EXOC4: variants seen among roughly 807,000 people sequenced by gnomAD.
EXOC4 encodes the protein exocyst complex component 4.
In EXOC4, 71 loss-of-function variants were observed where a neutral mutation model predicts 107.2. The ratio of observed to expected loss-of-function variants is 0.66; its 90% CI spans 0.55 to 0.81. The LOEUF is 0.81. Among genes scored for constraint, EXOC4 ranks in the 30% least tolerant of loss-of-function variants. EXOC4 has a pLI of 0.00. For missense variants in EXOC4, 1,108 were observed against 1,189.6 expected, an observed-to-expected ratio of 0.93 and a Z score of 1.01; for synonymous variants, 456 against 441.2, an observed-to-expected ratio of 1.03 and a Z score of -0.42.
chr7:133,713,488 A>G (rs1042382019), intron 10 of EXOC4, among the ~76,000 whole-genome samples: 16 of 152,228 alleles, frequency 1.1e-4, no homozygotes, highest in African/African-American at 2.9e-4. Context: ...AGTAAGATAG[A>G]TATCATCTAG....
chr7:133,926,222 A>G (rs1266742604), intron 13 of EXOC4, among the ~76,000 whole-genome samples: 2 of 152,176 alleles, frequency 1.3e-5, no homozygotes, highest in Non-Finnish European at 2.9e-5. Context: ...GACTTCCCCA[A>G]GTTCACACAG....
At chr7:133,805,505 T>C (rs1305242486) in intron 10 of EXOC4, among the ~76,000 whole-genome samples, 1 of 152,190 alleles carries the variant, frequency 6.6e-6, no homozygotes, top group Non-Finnish European at 1.5e-5. Context: ...CTTTTCAAGA[T>C]ATTTTAAAAC....
At chr7:133,857,219 T>C (rs1798412146) in intron 11 of EXOC4, among the ~76,000 whole-genome samples, 1 of 46,244 alleles carries the variant, frequency 2.2e-5, no homozygotes, top group Non-Finnish European at 3.8e-5. Context: ...CTACTTAACC[T>C]CCCTGGATGA....
intron 9 of EXOC4, among the ~76,000 whole-genome samples, chr7:133,525,162 G>A (rs987528215): frequency 1.3e-5 from 2 of 152,114 alleles, no homozygotes; most frequent in African/African-American, 2.4e-5. Flanking sequence ...GATGGAGGAC[G>A]CAGGATTTTG....
rs549849204 is a variant in EXOC4 at position 133,856,362 on chromosome 7, A to G, written c.1734+38818A>G. On this transcript the variant is annotated intron_variant, in intron 11 of 17. Coordinates refer to ENST00000253861, the MANE Select transcript of EXOC4 (RefSeq NM_021807.4). ...TTAGTGAGTTGTGAGAGAGCATCCA[A>G]ATGCCTAAGCACCTGGAGCACACTG... Among the ~76,000 whole-genome samples the G allele has an allele frequency of 3.9e-5, 6 of 152,330 alleles. No homozygotes were observed. In the South Asian group the frequency reaches 1.2e-3, roughly 32 times the overall value.
chr7:133,624,889 A>C (rs774728134), intron 9 of EXOC4, among the ~76,000 whole-genome samples: 1 of 133,962 alleles, frequency 7.5e-6, no homozygotes, highest in Non-Finnish European at 1.6e-5. Flanking sequence ...CACCGCGCCC[A>C]GCCTGACCTC....
At chr7:133,451,448 G>A (rs868449985) in intron 7 of EXOC4, among the ~76,000 whole-genome samples, 32 of 151,996 alleles carry the variant, frequency 2.1e-4, no homozygotes, top group Middle Eastern at 3.4e-3. Flanking sequence ...GCTTTGGTTA[G>A]CAGATTAACA....
chr7:134,073,551 G>A, the EXOC4 span, among the ~76,000 whole-genome samples: 2 of 152,094 alleles, frequency 1.3e-5, no homozygotes, highest in African/African-American at 2.4e-5. Flanking sequence ...CCTTCTGCCT[G>A]AGGTTTGAGT....
chr7:133,696,193 G>A (rs1275846008), intron 10 of EXOC4, among the ~76,000 whole-genome samples: 3 of 152,192 alleles, frequency 2.0e-5, no homozygotes, highest in South Asian at 2.1e-4. Flanking sequence ...CAGAGATGCT[G>A]TTAAAGTGTC....
intron 17 of EXOC4, among the ~76,000 whole-genome samples, chr7:134,040,530 C>T (rs922468304): frequency 7.9e-5 from 12 of 152,070 alleles, no homozygotes; most frequent in African/African-American, 1.9e-4. Flanking sequence ...GAAGTCATTG[C>T]CATGTTACTT....
intron 17 of EXOC4, among the ~76,000 whole-genome samples, chr7:134,026,438 C>T (rs1012266731): frequency 2.6e-5 from 4 of 151,224 alleles, no homozygotes; most frequent in East Asian, 1.9e-4. Context: ...CCACCTGCAC[C>T]TGTGGTGAAA....
chr7:133,659,000 CTTTTTTTTTTTTT>C (rs397890140), intron 10 of EXOC4, among the ~76,000 whole-genome samples: 6 of 40,108 alleles, frequency 1.5e-4, no homozygotes, highest in Admixed American at 1.5e-3. Flanking sequence ...TTCAGAGAAG[CTTTTTTTTTTTTT>C]TTTTTTTTTT....
chr7:133,498,030 A>G (rs1421328339), intron 9 of EXOC4, among the ~76,000 whole-genome samples: 1 of 152,196 alleles, frequency 6.6e-6, no homozygotes, highest in Non-Finnish European at 1.5e-5. Flanking sequence ...TGAGGAAAGC[A>G]GCACAGATTA....
chr7:133,491,301 A>C (rs1441740134), intron 9 of EXOC4, among the ~76,000 whole-genome samples: 3 of 152,232 alleles, frequency 2.0e-5, no homozygotes, highest in Non-Finnish European at 4.4e-5. Flanking sequence ...TTGCATATTC[A>C]TGCCCACTTA....
At chr7:133,522,492 T>C (rs1799998659) in intron 9 of EXOC4, among the ~76,000 whole-genome samples, 1 of 152,138 alleles carries the variant, frequency 6.6e-6, no homozygotes, top group Non-Finnish European at 1.5e-5. Flanking sequence ...CTCTTCCTCT[T>C]CTGAATAACA....
intron 10 of EXOC4, among the ~76,000 whole-genome samples, chr7:133,691,114 G>C (rs1380360754): frequency 6.6e-6 from 1 of 152,180 alleles, no homozygotes. Context: ...TTTTAGGGTA[G>C]TATATCCTCA....
chr7:133,580,943 G>A (rs1206841391), intron 9 of EXOC4, among the ~76,000 whole-genome samples: 3 of 152,206 alleles, frequency 2.0e-5, no homozygotes, highest in Non-Finnish European at 4.4e-5. Context: ...CACATGTCCA[G>A]TCTGGGAGGA....
intron 14 of EXOC4, among the ~76,000 whole-genome samples, chr7:133,986,671 T>C (rs1794121326): frequency 6.6e-6 from 1 of 152,250 alleles, no homozygotes; most frequent in South Asian, 2.1e-4. Flanking sequence ...AATTTATTTC[T>C]TAAACATGTA....
intron 5 of EXOC4, among the ~76,000 whole-genome samples, chr7:133,349,783 C>T (rs150001056): frequency 2.0e-5 from 3 of 152,230 alleles, no homozygotes; most frequent in African/African-American, 7.2e-5. Flanking sequence ...ACATTCCCAA[C>T]AGCAGTGCAC....
Sources: allele counts gnomAD v4.1 joint callset (sites outside exome capture counted in the v4.1 genomes callset), GRCh38; gene constraint gnomAD v4.1.1; transcripts MANE v1.5; gene names NCBI Gene and HGNC (gene_info 2026-07-23, HGNC 2026-07-21).